COL21A1: variants seen among roughly 807,000 people sequenced by gnomAD.
The protein encoded by COL21A1 is collagen type XXI alpha 1 chain.
Under a neutral mutation model 137.9 loss-of-function variants are expected in COL21A1, and 149 were observed. The observed-to-expected ratio is 1.08, with a 90% CI of 0.95 to 1.24. The LOEUF is 1.24. COL21A1 is among the 50% of genes most tolerant of loss of function. COL21A1 has a pLI of 0.00. For missense variants in COL21A1, 1,167 were observed against 1,158.4 expected (o/e 1.01, Z -0.11); for synonymous variants, 456 against 391.5 (o/e 1.16, Z -1.95).
chr6:56,313,003 C>T (rs764789283), intron 1 of COL21A1, among the ~76,000 whole-genome samples: 5 of 152,044 alleles, frequency 3.3e-5, no homozygotes, highest in East Asian at 1.9e-4. Context: ...GAAGACTGGC[C>T]GCATAGCACA....
rs80340539 is a variant in COL21A1, at chr6:56,166,888, A to G, written c.1278+18T>C. Reference sequence around the variant, plus strand: ...TACTAAAGCAACATCTGGGAAAAAAACAATCCCTCCTACTTACAAATCCAG... The same window carrying G: ...TACTAAAGCAACATCTGGGAAAAAAGCAATCCCTCCTACTTACAAATCCAG... On this transcript the variant is annotated intron_variant, in intron 7 of 29. Transcript: ENST00000244728. 3.1e-6 allele frequency: 5 copies of G among 1,599,988 alleles called. No homozygotes were observed. In the Admixed American group the frequency reaches 5.1e-5, roughly 16 times the overall value.
At chr6:56,197,797 T>C (rs939398483) in intron 1 of COL21A1, among the ~76,000 whole-genome samples, 9 of 152,144 alleles carry the variant, frequency 5.9e-5, no homozygotes, top group African/African-American at 2.2e-4. Flanking sequence ...GTATAGAGGT[T>C]CCTCAAAAAA....
intron 16 of COL21A1, among the ~76,000 whole-genome samples, chr6:56,108,052 G>A (rs1430126703): frequency 6.6e-6 from 1 of 151,890 alleles, no homozygotes; most frequent in Non-Finnish European, 1.5e-5. Flanking sequence ...GAGAATAACA[G>A]AATTCTGAAA....
Position 56,071,723 on chromosome 6 carries a change from TAA to T in COL21A1, c.1966-927_1966-926del, listed in dbSNP as rs377434481. 2.4e-4 allele frequency among the ~76,000 whole-genome samples: 37 copies of T among 151,782 alleles called. No homozygotes were observed. In the East Asian group the frequency reaches 5.2e-3, roughly 22 times the overall value. ...TGATTCCTTAAAATTTCTAATTTTA[TAA>T]GTTATTAAACTGAAATTCACAGACA... On this transcript the variant is annotated intron_variant, in intron 20 of 29. Coordinates refer to ENST00000244728, the MANE Select transcript of COL21A1 (RefSeq NM_030820.4).
chr6:56,393,004 TTA>T (rs1265429269), intron 1 of COL21A1, among the ~76,000 whole-genome samples: 1 of 151,138 alleles, frequency 6.6e-6, no homozygotes, highest in Non-Finnish European at 1.5e-5. Flanking sequence ...GTCCTAATAT[TTA>T]TATGACACCA....
chr6:56,066,475 T>C (rs1414433876), intron 23 of COL21A1, among the ~76,000 whole-genome samples: 1 of 151,902 alleles, frequency 6.6e-6, no homozygotes, highest in Admixed American at 6.6e-5. Flanking sequence ...TTATTCTGCA[T>C]AGCAAAGCTC....
At chr6:56,096,629 A>C (rs62404895) in intron 17 of COL21A1, among the ~76,000 whole-genome samples, 23,113 of 152,196 alleles carry the variant, frequency 0.15, 1,786 homozygotes, top group Middle Eastern at 0.22. Context: ...AATAAATTAT[A>C]GTGCTAGCCA....
Position 56,147,537 on chromosome 6 carries a change from A to T in COL21A1, c.1435-5554T>A, listed in dbSNP as rs181314256. On this transcript the variant is annotated intron_variant, in intron 10 of 29. Coordinates refer to ENST00000244728, the MANE Select transcript of COL21A1 (RefSeq NM_030820.4). ...CAGTTATCACCAACCGAGAACTCTA[A>T]TAGTAGAAACAGGCCTACATTCACA... Among the ~76,000 whole-genome samples, 584 of 152,146 alleles carry T rather than the reference A, an allele frequency of 3.8e-3. 4 individuals are homozygous for T. Among genetic ancestry groups the T allele is most frequent in the African/African-American group, 0.013 (555 of 41,536 alleles).
intron 1 of COL21A1, among the ~76,000 whole-genome samples, chr6:56,356,202 TG>T (rs2152347627): frequency 6.6e-6 from 1 of 152,302 alleles, no homozygotes; most frequent in African/African-American, 2.4e-5. Flanking sequence ...AGGCAGCTCA[TG>T]GAAGAGGCAC....
At chr6:56,071,568 G>T (rs1766757527) in intron 20 of COL21A1, among the ~76,000 whole-genome samples, 1 of 151,588 alleles carries the variant, frequency 6.6e-6, no homozygotes, top group African/African-American at 2.4e-5. Flanking sequence ...TTACTAATCA[G>T]TGAGGCAAAC....
chr6:56,319,596 C>A (rs900781288), intron 1 of COL21A1, among the ~76,000 whole-genome samples: 4 of 152,172 alleles, frequency 2.6e-5, no homozygotes, highest in African/African-American at 9.6e-5. Flanking sequence ...CCCTGGCCCC[C>A]CAAAGTGTTG....
intron 1 of COL21A1, among the ~76,000 whole-genome samples, chr6:56,316,084 A>T (rs1582775652): frequency 1.3e-5 from 2 of 152,278 alleles, no homozygotes; most frequent in Non-Finnish European, 2.9e-5. Flanking sequence ...TTTTTAATTT[A>T]TTTTTAATCA....
chr6:56,315,521 A>ATCTT (rs1464960777), intron 1 of COL21A1, among the ~76,000 whole-genome samples: 1 of 152,160 alleles, frequency 6.6e-6, no homozygotes, highest in Non-Finnish European at 1.5e-5. Flanking sequence ...AGAAAGGCCC[A>ATCTT]TCTTTAGATC....
chr6:56,322,171 ATC>A (rs895466159), intron 1 of COL21A1, among the ~76,000 whole-genome samples: 1 of 152,124 alleles, frequency 6.6e-6, no homozygotes, highest in African/African-American at 2.4e-5. Flanking sequence ...AAACCATTGC[ATC>A]TGAGAGGTAT....
intron 1 of COL21A1, among the ~76,000 whole-genome samples, chr6:56,292,396 C>CT (rs1271129974): frequency 3.7e-5 from 5 of 136,350 alleles, no homozygotes; most frequent in Non-Finnish European, 7.9e-5. Flanking sequence ...CAGGGACCCC[C>CT]CCCCTCCCCC....
intron 1 of COL21A1, among the ~76,000 whole-genome samples, chr6:56,345,299 G>C (rs1164811908): frequency 6.6e-6 from 1 of 152,170 alleles, no homozygotes; most frequent in Non-Finnish European, 1.5e-5. Context: ...GGAGATATTT[G>C]AGTAGGTGGC....
intron 1 of COL21A1, among the ~76,000 whole-genome samples, chr6:56,238,980 T>A (rs1177979452): frequency 6.6e-6 from 1 of 152,200 alleles, no homozygotes; most frequent in East Asian, 1.9e-4. Context: ...GTCCTCTGAA[T>A]ACACACTTGA....
intron 10 of COL21A1, among the ~76,000 whole-genome samples, chr6:56,150,989 C>T (rs1408506058): frequency 6.6e-6 from 1 of 152,080 alleles, no homozygotes; most frequent in Non-Finnish European, 1.5e-5. Context: ...TTTGGGAGGC[C>T]GAGGCGGGTG....
chr6:56,190,234 T>C (rs1378929962), intron 1 of COL21A1, among the ~76,000 whole-genome samples: 2 of 151,662 alleles, frequency 1.3e-5, no homozygotes, highest in Admixed American at 6.6e-5. Context: ...ATCAAATAGA[T>C]GGAATAAAAA....
Sources: gnomAD v4.1 joint callset for allele counts (sites outside exome capture counted in the v4.1 genomes callset) on GRCh38, gnomAD v4.1.1 for gene constraint, MANE v1.5 for transcripts, NCBI Gene and HGNC (gene_info 2026-07-23, HGNC 2026-07-21) for gene names.